The following ZNF609 variants were observed in gnomAD, a reference collection of about 807,000 sequenced individuals.
ZNF609 encodes the protein zinc finger protein 609.
ZNF609 carries 11 observed loss-of-function variants against 109.5 expected under a neutral mutation model. The observed-to-expected ratio is 0.10, with a 90% CI of 0.06 to 0.17. The LOEUF is 0.17. ZNF609 is among the 10% of genes least tolerant of loss of function. ZNF609 has a pLI of 1.00. For synonymous variants in ZNF609, 646 were observed against 662.0 expected (o/e 0.98, Z 0.37); for missense variants, 1,559 against 1,772.4 (o/e 0.88, Z 2.16).
chr15:64,587,683 G>A (rs1185334710), intron 2 of ZNF609, among the ~76,000 whole-genome samples: 5 of 152,138 alleles, frequency 3.3e-5, no homozygotes, highest in Admixed American at 6.6e-5. Flanking sequence ...TTTAGGAGAT[G>A]TGAAAGAGGG....
upstream of ZNF609, among the ~76,000 whole-genome samples, chr15:64,460,085 G>C (rs981102060): frequency 6.6e-6 from 1 of 152,104 alleles, no homozygotes; most frequent in African/African-American, 2.4e-5. Context: ...AAATTAGGAG[G>C]TTGGTACTTT....
At chr15:64,638,890 T>C (rs1896215767) in intron 3 of ZNF609, among the ~76,000 whole-genome samples, 1 of 152,076 alleles carries the variant, frequency 6.6e-6, no homozygotes, top group African/African-American at 2.4e-5. Flanking sequence ...AGTGAGGCCC[T>C]GTCTCAAATA....
At chr15:64,470,569 TG>T (rs760888472) in intron 1 of ZNF609, 5 of 152,172 alleles carry the variant, frequency 3.3e-5, no homozygotes, top group Non-Finnish European at 5.9e-5. Context: ...TTGCCCAGGC[TG>T]GAGTGCGTTG....
chr15:64,548,829 T>A (rs1894412671), intron 2 of ZNF609, among the ~76,000 whole-genome samples: 1 of 152,210 alleles, frequency 6.6e-6, no homozygotes, highest in African/African-American at 2.4e-5. Flanking sequence ...GAGAGTTATT[T>A]GTTCTGCATA....
At chr15:64,538,403 A>G (rs1277760344) in intron 2 of ZNF609, among the ~76,000 whole-genome samples, 1 of 152,220 alleles carries the variant, frequency 6.6e-6, no homozygotes, top group South Asian at 2.1e-4. Context: ...TTTAGTTTAT[A>G]GACTGGTTTA....
chr15:64,607,317 CAT>C (rs1895619604), intron 2 of ZNF609, among the ~76,000 whole-genome samples: 2 of 151,978 alleles, frequency 1.3e-5, no homozygotes, highest in African/African-American at 4.8e-5. Flanking sequence ...ACAACACACA[CAT>C]ATACATATAT....
intron 2 of ZNF609, among the ~76,000 whole-genome samples, chr15:64,508,118 G>A (rs144261161): frequency 1.3e-5 from 2 of 152,292 alleles, no homozygotes; most frequent in African/African-American, 4.8e-5. Context: ...ATAAAAGAGA[G>A]ACCTTTGTGA....
At chr15:64,508,392 A>G (rs79052518) in intron 2 of ZNF609, among the ~76,000 whole-genome samples, 2,264 of 152,234 alleles carry the variant, frequency 0.015, 23 homozygotes, top group Non-Finnish European at 0.023. Flanking sequence ...ATGTGCCTTC[A>G]TGTTAGTGGT....
chr15:64,662,110 C>T (rs1375063557), intron 3 of ZNF609, among the ~76,000 whole-genome samples: 1 of 152,166 alleles, frequency 6.6e-6, no homozygotes, highest in Non-Finnish European at 1.5e-5. Context: ...AGTTGCTTCA[C>T]TACATGACTA....
At chr15:64,504,706 C>T (rs1293031502) in intron 2 of ZNF609, among the ~76,000 whole-genome samples, 4 of 151,186 alleles carry the variant, frequency 2.6e-5, no homozygotes, top group Admixed American at 1.3e-4. Flanking sequence ...GTCTCAAATT[C>T]CTGACTTCAA....
At chr15:64,677,300 C>G (rs1177022903) in intron 5 of ZNF609, among the ~76,000 whole-genome samples, 1 of 152,074 alleles carries the variant, frequency 6.6e-6, no homozygotes, top group African/African-American at 2.4e-5. Flanking sequence ...TGGCCTCAAG[C>G]AATCCTCGCG....
chr15:64,575,524 G>A (rs1157538578), intron 2 of ZNF609, among the ~76,000 whole-genome samples: 1 of 152,176 alleles, frequency 6.6e-6, no homozygotes, highest in Non-Finnish European at 1.5e-5. Flanking sequence ...TTGGACACAG[G>A]ATGGGAATAA....
chr15:64,667,404 A>T (rs1402010120), intron 3 of ZNF609, among the ~76,000 whole-genome samples: 1 of 152,172 alleles, frequency 6.6e-6, no homozygotes, highest in African/African-American at 2.4e-5. Context: ...GTCTTGATAT[A>T]TTCCATAGAA....
At chr15:64,472,000 T>G (rs540829947) in intron 1 of ZNF609, among the ~76,000 whole-genome samples, 2 of 152,214 alleles carry the variant, frequency 1.3e-5, no homozygotes, top group South Asian at 4.1e-4. Context: ...ATCCTCAGCC[T>G]CCTGGGTTCA....
chr15:64,596,779 T>G (rs1273249396), intron 2 of ZNF609, among the ~76,000 whole-genome samples: 1 of 152,190 alleles, frequency 6.6e-6, no homozygotes, highest in African/African-American at 2.4e-5. Flanking sequence ...GTTAAATGGT[T>G]GGGTTCTGTT....
chr15:64,595,333 C>T (rs1414755970), intron 2 of ZNF609, among the ~76,000 whole-genome samples: 1 of 150,656 alleles, frequency 6.6e-6, no homozygotes, highest in Non-Finnish European at 1.5e-5. Context: ...TGCACTCCAG[C>T]CTGGGCGACA....
intron 3 of ZNF609, chr15:64,654,440 A>G (rs1424650167): frequency 1.3e-5 from 2 of 151,736 alleles, no homozygotes; most frequent in African/African-American, 4.8e-5. Context: ...ACCAAACTTT[A>G]CTCTCTTCTT....
At chr15:64,555,621 C>G (rs1221643543) in intron 2 of ZNF609, among the ~76,000 whole-genome samples, 2 of 151,170 alleles carry the variant, frequency 1.3e-5, no homozygotes, top group African/African-American at 2.4e-5. Flanking sequence ...CAGTGCTTTA[C>G]GCCTGTAATC....
chr15:64,551,710 A>C (rs896449908), intron 2 of ZNF609, among the ~76,000 whole-genome samples: 1 of 149,034 alleles, frequency 6.7e-6, no homozygotes, highest in Non-Finnish European at 1.5e-5. Context: ...GACCATGGAG[A>C]GGGAGAAAGA....
Sources: allele counts gnomAD v4.1 joint callset (sites outside exome capture counted in the v4.1 genomes callset), GRCh38; gene constraint gnomAD v4.1.1; transcripts MANE v1.5; gene names NCBI Gene and HGNC (gene_info 2026-07-23, HGNC 2026-07-21).